The following FGGY variants were observed in gnomAD, a reference collection of about 807,000 sequenced individuals.
The protein encoded by FGGY is FGGY carbohydrate kinase domain-containing protein.
Under a neutral mutation model 71.3 loss-of-function variants are expected in FGGY, and 72 were observed. The observed-to-expected ratio is 1.01, with a 90% CI of 0.84 to 1.23. FGGY has a LOEUF of 1.23. Ranked by LOEUF, FGGY falls within the 50% of genes most tolerant of loss-of-function variation. FGGY has a pLI of 0.00. For synonymous variants in FGGY, 251 were observed against 250.3 expected (o/e 1.00, Z -0.02); for missense variants, 668 against 682.3 (o/e 0.98, Z 0.23).
chr1:59,710,627 G>C (rs2097787100), intron 14 of FGGY, among the ~76,000 whole-genome samples: 1 of 151,964 alleles, frequency 6.6e-6, no homozygotes, highest in African/African-American at 2.4e-5. Context: ...TCAAAAAGTG[G>C]GCAAAGAATA....
At chr1:59,630,007 C>G (rs756208782) in intron 10 of FGGY, among the ~76,000 whole-genome samples, 7 of 152,136 alleles carry the variant, frequency 4.6e-5, no homozygotes, top group Non-Finnish European at 8.8e-5. Flanking sequence ...AATTGACTTA[C>G]AGTTCTGTGG....
intron 1 of FGGY, among the ~76,000 whole-genome samples, chr1:59,305,658 T>G (rs2043334298): frequency 6.6e-6 from 1 of 152,232 alleles, no homozygotes; most frequent in African/African-American, 2.4e-5. Context: ...AAATGCTTGG[T>G]AGAATTTATA....
chr1:59,457,738 A>G (rs2091853624), intron 6 of FGGY, among the ~76,000 whole-genome samples: 1 of 152,214 alleles, frequency 6.6e-6, no homozygotes, highest in Non-Finnish European at 1.5e-5. Flanking sequence ...TAATTTTACA[A>G]ATTAGGTTCA....
In FGGY at chr1:59,694,023, C is replaced by T. The variant is rs192002212; in HGVS notation, c.1512+19890C>T. Among the ~76,000 whole-genome samples, 452 of 148,080 alleles carry T rather than the reference C, an allele frequency of 3.1e-3. 1 individual carries two copies. The highest frequency in any genetic ancestry group is 0.01 in the African/African-American group (413 of 39,814). On this transcript the variant is annotated intron_variant, in intron 14 of 15. Coordinates refer to ENST00000303721, the MANE Select transcript of FGGY (RefSeq NM_018291.5). ...CCCTGTCTCAAAAAAAGTAAATGGC[C>T]GGGCGCGGTGGCTCACGCCTGTAAT...
At chr1:59,492,924 AG>A (rs2093913672) in intron 6 of FGGY, among the ~76,000 whole-genome samples, 1 of 152,174 alleles carries the variant, frequency 6.6e-6, no homozygotes, top group African/African-American at 2.4e-5. Flanking sequence ...TTAAGGCTTC[AG>A]GTTGCTTCAA....
chr1:59,528,680 C>T (rs1303048092), intron 7 of FGGY, among the ~76,000 whole-genome samples: 1 of 152,146 alleles, frequency 6.6e-6, no homozygotes, highest in African/African-American at 2.4e-5. Context: ...CCTTGTGACT[C>T]ACCACCATGA....
At chr1:59,310,094 C>T (rs941953943) in intron 1 of FGGY, 2 of 152,036 alleles carry the variant, frequency 1.3e-5, no homozygotes, top group Admixed American at 1.3e-4. Flanking sequence ...TGCATGATCG[C>T]ATGGAGAATG....
intron 5 of FGGY, among the ~76,000 whole-genome samples, chr1:59,402,902 G>A (rs2153409319): frequency 6.6e-6 from 1 of 152,282 alleles, no homozygotes; most frequent in Middle Eastern, 3.4e-3. Flanking sequence ...GGGTGAAGAT[G>A]CTTACCTCCC....
intron 6 of FGGY, among the ~76,000 whole-genome samples, chr1:59,474,558 A>G (rs891224088): frequency 4.6e-5 from 7 of 152,196 alleles, no homozygotes; most frequent in African/African-American, 7.2e-5. Context: ...CATTTAGCCA[A>G]TCTGGATACT....
At chr1:59,732,060 A>G (rs2098038636) in intron 14 of FGGY, among the ~76,000 whole-genome samples, 1 of 152,146 alleles carries the variant, frequency 6.6e-6, no homozygotes, top group South Asian at 2.1e-4. Context: ...GTCATCATCC[A>G]GTTGCTGTGA....
chr1:59,690,136 T>A (rs904792052), intron 14 of FGGY, among the ~76,000 whole-genome samples: 1 of 152,194 alleles, frequency 6.6e-6, no homozygotes, highest in Non-Finnish European at 1.5e-5. Flanking sequence ...TTGAAGCAAG[T>A]GTTTCAATGA....
At chr1:59,555,618 T>A (rs551681412) in intron 8 of FGGY, among the ~76,000 whole-genome samples, 1 of 152,132 alleles carries the variant, frequency 6.6e-6, no homozygotes, top group Non-Finnish European at 1.5e-5. Context: ...CTTCTTGAGG[T>A]GACATTTGTG....
At chr1:59,624,882 C>G (rs1262116143) in intron 9 of FGGY, among the ~76,000 whole-genome samples, 1 of 152,118 alleles carries the variant, frequency 6.6e-6, no homozygotes, top group Non-Finnish European at 1.5e-5. Context: ...CCATATCAAG[C>G]AGACACACTT....
At chr1:59,691,319 C>T (rs2097584664) in intron 14 of FGGY, among the ~76,000 whole-genome samples, 1 of 152,170 alleles carries the variant, frequency 6.6e-6, no homozygotes, top group African/African-American at 2.4e-5. Context: ...GGGCCCTCAC[C>T]ATGGGGTCAC....
chr1:59,404,344 A>C (rs2062420307), intron 5 of FGGY, among the ~76,000 whole-genome samples: 1 of 152,142 alleles, frequency 6.6e-6, no homozygotes, highest in African/African-American at 2.4e-5. Context: ...CACGGCATGC[A>C]CATGTATCCC....
chr1:59,566,858 T>C (rs1005602366), intron 8 of FGGY, among the ~76,000 whole-genome samples: 1 of 152,132 alleles, frequency 6.6e-6, no homozygotes, highest in Non-Finnish European at 1.5e-5. Context: ...AGTATAGTGA[T>C]GTTTGAGAAA....
intron 14 of FGGY, among the ~76,000 whole-genome samples, chr1:59,738,179 C>T (rs1320892570): frequency 6.6e-6 from 1 of 152,198 alleles, no homozygotes; most frequent in East Asian, 1.9e-4. Flanking sequence ...AGAAAACGTT[C>T]TCACAGAAAC....
At chr1:59,630,052 G>A (rs905728056) in intron 10 of FGGY, among the ~76,000 whole-genome samples, 26 of 152,116 alleles carry the variant, frequency 1.7e-4, no homozygotes, top group African/African-American at 6.3e-4. Flanking sequence ...CAGTCATGGT[G>A]GAAGGGGAAA....
At position 59,487,808 on chromosome 1, in the gene FGGY, C is replaced by G. The variant is rs1257289902; in HGVS notation, c.671-24503C>G. Among the ~76,000 whole-genome samples, 2 of 152,134 alleles carry G rather than the reference C, an allele frequency of 1.3e-5. 1 individual carries two copies. The highest frequency in any genetic ancestry group is 1.3e-4 in the Admixed American group (2 of 15,258). On this transcript the variant is annotated intron_variant, in intron 6 of 15. Coordinates refer to ENST00000303721, the MANE Select transcript of FGGY (RefSeq NM_018291.5). ...TTCTCACCGCTCCCACTCCCACCCCCTCCCCCTTGCCCCAAGGCTCCTCCT... is the reference window on the plus strand; with the variant it reads ...TTCTCACCGCTCCCACTCCCACCCCGTCCCCCTTGCCCCAAGGCTCCTCCT...
Sources: allele counts gnomAD v4.1 joint callset (sites outside exome capture counted in the v4.1 genomes callset), GRCh38; gene constraint gnomAD v4.1.1; transcripts MANE v1.5; gene names NCBI Gene and HGNC (gene_info 2026-07-23, HGNC 2026-07-21).